Variants in JPH1 observed in about 807,000 individuals in gnomAD.
The protein encoded by JPH1 is junctophilin-1.
A neutral mutation model predicts 53.6 loss-of-function variants in JPH1; 12 were observed. The ratio of observed to expected loss-of-function variants is 0.22; its 90% CI spans 0.14 to 0.36. The LOEUF is 0.36. JPH1 is among the 10% of genes least tolerant of loss of function. The probability of loss-of-function intolerance (pLI) is 1.00; values close to 1 mark genes in which losing one functional copy is unlikely to be tolerated. For missense variants in JPH1, 808 were observed against 905.5 expected, an observed-to-expected ratio of 0.89 and a Z score of 1.38; for synonymous variants, 375 against 363.8, an observed-to-expected ratio of 1.03 and a Z score of -0.35.
Position 74,306,406 on chromosome 8 carries a change from A to AC in JPH1, c.1139+8454dup, listed in dbSNP as rs529391982. Among the ~76,000 whole-genome samples the AC allele has an allele frequency of 1.3e-4, 20 of 151,210 alleles. No individual in the cohort carries two copies. The South Asian group carries it at 1.5e-3, about 11-fold the overall frequency. Reference sequence around the variant, plus strand: ...AAAATGTGACGAAGTTAGACTAGGCACCCCCCCTTTCTCCCATGGGAAATG... The same window carrying AC: ...AAAATGTGACGAAGTTAGACTAGGCACCCCCCCCTTTCTCCCATGGGAAATG... On this transcript the variant is annotated intron_variant, in intron 2 of 5. Coordinates refer to ENST00000342232, the MANE Select transcript of JPH1 (RefSeq NM_020647.4).
intron 2 of JPH1, among the ~76,000 whole-genome samples, chr8:74,272,781 T>C (rs960516343): frequency 2.4e-4 from 36 of 152,008 alleles, no homozygotes; most frequent in African/African-American, 8.2e-4. Flanking sequence ...TTTTTTTTTA[T>C]TTTTAGTAGA....
At position 74,244,828 on chromosome 8, in the gene JPH1, G is replaced by A; in HGVS notation, c.1606C>T (p.His536Tyr). Residue 536 changes from histidine (H) to tyrosine (Y), a missense_variant, in exon 4 of 6, where the codon CAC becomes TAC. Physicochemically the swap from His to Tyr is moderately conservative, Grantham distance 83. Around this residue, in one of 2 missense-constraint regions of JPH1, gnomAD observed 756 missense variants for 811.9 expected, o/e 0.93. Transcript: ENST00000342232. Reference sequence around the variant, plus strand: ...CCGTTACTGGGGTTGGGGATGTGGTGGCGGCCAGAGTACTTGGACTGGGGC... The same window carrying A: ...CCGTTACTGGGGTTGGGGATGTGGTAGCGGCCAGAGTACTTGGACTGGGGC... ...VVPQSKYSGR[H>Y]HIPNPSNGEL... 1 of 1,614,202 alleles carries A rather than the reference G, an allele frequency of 6.2e-7. No individual in the cohort carries two copies. Among genetic ancestry groups the A allele is most frequent in the South Asian group, 1.1e-5 (1 of 91,080 alleles).
intron 2 of JPH1, among the ~76,000 whole-genome samples, chr8:74,291,695 C>A (rs1010352040): frequency 1.3e-5 from 2 of 152,174 alleles, no homozygotes; most frequent in Non-Finnish European, 1.5e-5. Context: ...TACTGTGGTA[C>A]TATTGACAAT....
At chr8:74,319,431 T>C (rs894408114) in intron 1 of JPH1, among the ~76,000 whole-genome samples, 4 of 152,222 alleles carry the variant, frequency 2.6e-5, no homozygotes, top group African/African-American at 9.6e-5. Flanking sequence ...GTCAACCAGG[T>C]ACTTTATGCC....
At chr8:74,267,248 T>C (rs975821930) in intron 2 of JPH1, among the ~76,000 whole-genome samples, 1 of 152,044 alleles carries the variant, frequency 6.6e-6, no homozygotes, top group Admixed American at 6.5e-5. Context: ...CGAAAGGTGG[T>C]TGAACTCACC....
chr8:74,246,524 T>G (rs1453736802), intron 3 of JPH1, among the ~76,000 whole-genome samples: 6 of 152,178 alleles, frequency 3.9e-5, no homozygotes. Context: ...TTTTCCAAAA[T>G]TTAAAGCCTC....
chr8:74,246,405 C>T (rs1278632492), intron 3 of JPH1, among the ~76,000 whole-genome samples: 1 of 152,172 alleles, frequency 6.6e-6, no homozygotes. Flanking sequence ...CAGCAATTAT[C>T]CTTAATTGTG....
intron 2 of JPH1, among the ~76,000 whole-genome samples, chr8:74,294,668 A>G (rs1196304808): frequency 1.3e-5 from 2 of 152,196 alleles, no homozygotes; most frequent in African/African-American, 4.8e-5. Context: ...AAATTTCCTG[A>G]AGGATAGAGT....
At chr8:74,270,221 T>G (rs997785468) in intron 2 of JPH1, among the ~76,000 whole-genome samples, 1 of 152,220 alleles carries the variant, frequency 6.6e-6, no homozygotes, top group Non-Finnish European at 1.5e-5. Flanking sequence ...TTTTAGGTGG[T>G]GTTAAAAATA....
chr8:74,245,633 A>G lies in JPH1; in HGVS notation c.1259-458T>C, dbSNP rs183527959. On this transcript the variant is annotated intron_variant, in intron 3 of 5. Coordinates refer to ENST00000342232, the MANE Select transcript of JPH1 (RefSeq NM_020647.4). ...GATCTGTCATCAAACATGCACTAAA[A>G]CTTCCTAGTTTGAAACAATTTCTGA... Among the ~76,000 whole-genome samples, 862 of 152,252 alleles carry G rather than the reference A, an allele frequency of 5.7e-3. 4 individuals carry two copies. Among genetic ancestry groups the G allele is most frequent in the Non-Finnish European group, 7.9e-3 (534 of 68,018 alleles).
chr8:74,269,178 G>T (rs952292110), intron 2 of JPH1, among the ~76,000 whole-genome samples: 4 of 152,164 alleles, frequency 2.6e-5, no homozygotes, highest in African/African-American at 9.7e-5. Context: ...AACTAGCGAA[G>T]AACAAAAAGA....
chr8:74,259,002 G>T (rs1327616968), intron 3 of JPH1, among the ~76,000 whole-genome samples: 1 of 152,194 alleles, frequency 6.6e-6, no homozygotes, highest in Non-Finnish European at 1.5e-5. Context: ...CCACATGACC[G>T]ATGGTCACAG....
chr8:74,295,547 T>C (rs1807480093), intron 2 of JPH1, among the ~76,000 whole-genome samples: 1 of 152,148 alleles, frequency 6.6e-6, no homozygotes, highest in South Asian at 2.1e-4. Context: ...CTCATTTAAT[T>C]CTCCTAAACT....
At chr8:74,278,493 C>T (rs1307745240) in intron 2 of JPH1, among the ~76,000 whole-genome samples, 2 of 152,118 alleles carry the variant, frequency 1.3e-5, no homozygotes, top group East Asian at 1.9e-4. Flanking sequence ...ATTCTGCTGG[C>T]CTAGAGGTCT....
chr8:74,289,739 G>A (rs915661052), intron 2 of JPH1, among the ~76,000 whole-genome samples: 9 of 152,112 alleles, frequency 5.9e-5, no homozygotes, highest in East Asian at 3.9e-4. Flanking sequence ...TTTGAGATAC[G>A]TCCCATCAAT....
intron 4 of JPH1, among the ~76,000 whole-genome samples, chr8:74,243,153 T>G (rs12216776): frequency 0.023 from 3,573 of 152,314 alleles, 75 homozygotes; most frequent in African/African-American, 0.051. Context: ...ATGCGAGGCC[T>G]TATTAACCTG....
At chr8:74,240,139 C>G (rs4737411) in intron 4 of JPH1, among the ~76,000 whole-genome samples, 118,849 of 151,868 alleles carry the variant, frequency 0.78, 46,637 homozygotes, top group African/African-American at 0.83. Flanking sequence ...GCCCAGCTAA[C>G]TTTTATATTT....
In JPH1 at chr8:74,321,485, T is replaced by C; in HGVS notation, c.-198A>G. On this transcript the variant is annotated 5_prime_UTR_variant, in exon 1 of 6. Coordinates refer to ENST00000342232, the MANE Select transcript of JPH1 (RefSeq NM_020647.4). The surrounding 1 kb of genome is among the most constrained non-coding windows in gnomAD (Gnocchi z 4.3). ...TTTGCCGCCGCCACCGCCGCCTTCC[T>C]CCTCCTCCTCCTCCTCCTTCGCCGC... 1 of 457,444 alleles carries C rather than the reference T, an allele frequency of 2.2e-6. No individual in the cohort carries two copies. Among genetic ancestry groups the C allele is most frequent in the South Asian group, 4.8e-5 (1 of 20,984 alleles). 28.3% of individuals were successfully genotyped at this position (457,444 alleles called of 1,614,324 possible). A position where few individuals can be genotyped will look rare whatever the true frequency, so the allele number is the denominator to read the frequency against.
At chr8:74,279,537 G>C (rs1806948390) in intron 2 of JPH1, among the ~76,000 whole-genome samples, 1 of 152,250 alleles carries the variant, frequency 6.6e-6, no homozygotes, top group African/African-American at 2.4e-5. Context: ...TCTGCATAGG[G>C]GCTTAAGAGA....
Sources: gnomAD v4.1 joint callset for allele counts (sites outside exome capture counted in the v4.1 genomes callset) on GRCh38, gnomAD v4.1.1 for gene constraint, gnomAD v4.1.1 regional missense constraint, Gnocchi (gnomAD v3.1) non-coding constraint, MANE v1.5 for transcripts, NCBI Gene and HGNC (gene_info 2026-07-23, HGNC 2026-07-21) for gene names.